The following HGF variants were observed in gnomAD, a reference collection of about 807,000 sequenced individuals.
HGF encodes the protein fibroblast-derived tumor cytotoxic factor.
HGF carries 39 observed loss-of-function variants against 111.6 expected under a neutral mutation model. The observed-to-expected ratio is 0.35, with a 90% CI of 0.27 to 0.46. The LOEUF (loss-of-function observed/expected upper bound fraction) is 0.46, where lower values mean the gene tolerates loss of function less well. Ranked by LOEUF, HGF falls within the 20% of genes least tolerant of loss-of-function variation. The pLI is 1.00. For missense variants in HGF, 735 were observed against 910.5 expected (o/e 0.81, Z 2.48); for synonymous variants, 285 against 294.8 (o/e 0.97, Z 0.34).
chr7:81,751,596 T>C, intron 5 of HGF: 1 of 994,810 alleles, frequency 1.0e-6, no homozygotes, highest in Non-Finnish European at 1.2e-6. Flanking sequence ...GTGTCACATT[T>C]GATTCTAGGC....
chr7:81,713,858 T>A lies in HGF; in HGVS notation c.1406-2339A>T, dbSNP rs60197381. Among the ~76,000 whole-genome samples the A allele has an allele frequency of 9.3e-3, 1,419 of 152,260 alleles. 30 individuals carry two copies. Among genetic ancestry groups the A allele is most frequent in the African/African-American group, 0.033 (1,357 of 41,554 alleles). On this transcript the variant is annotated intron_variant, in intron 11 of 17. Coordinates refer to ENST00000222390, the MANE Select transcript of HGF (RefSeq NM_000601.6). Reference sequence around the variant, plus strand: ...CTATACTACACTATCTATACCACACTACTTTCAGACTCATGTCTACAAAAA... The same window carrying A: ...CTATACTACACTATCTATACCACACAACTTTCAGACTCATGTCTACAAAAA...
At chr7:81,708,465 G>A (rs1789485485) in intron 13 of HGF, among the ~76,000 whole-genome samples, 2 of 138,090 alleles carry the variant, frequency 1.4e-5, no homozygotes, top group South Asian at 5.1e-4. Flanking sequence ...TATAAGATAA[G>A]CAAAGAATCA....
rs1325520360 is a variant in HGF at position 81,753,107 on chromosome 7, T to C, written c.483-845A>G. ...AGTTTTGGTTTATAATAGTAAGCCA[T>C]TGAGTGCAGTAACTGCAACACATTA... On this transcript the variant is annotated intron_variant, in intron 4 of 17. Coordinates refer to ENST00000222390, the MANE Select transcript of HGF (RefSeq NM_000601.6). Among the ~76,000 whole-genome samples the C allele has an allele frequency of 2.0e-5, 3 of 152,084 alleles. 1 individual carries two copies. The highest frequency in any genetic ancestry group is 7.2e-5 in the African/African-American group (3 of 41,432).
chr7:81,768,441 A>G (rs1159374727), intron 1 of HGF, among the ~76,000 whole-genome samples: 4 of 152,060 alleles, frequency 2.6e-5, no homozygotes, highest in Admixed American at 6.6e-5. Context: ...GTGCGGTGAC[A>G]CAATCTCGGC....
intron 7 of HGF, among the ~76,000 whole-genome samples, chr7:81,740,145 T>C (rs1787958231): frequency 1.3e-5 from 2 of 152,186 alleles, no homozygotes; most frequent in Non-Finnish European, 2.9e-5. Context: ...ATGATATTAA[T>C]TATGATTTTC....
At chr7:81,740,053 C>T (rs1235950750) in intron 7 of HGF, among the ~76,000 whole-genome samples, 1 of 152,130 alleles carries the variant, frequency 6.6e-6, no homozygotes, top group Non-Finnish European at 1.5e-5. Flanking sequence ...TCCTCACTGG[C>T]CTAATTGCAA....
chr7:81,705,558 C>A (rs1421317930), intron 16 of HGF, 23 bp from the exon 17 acceptor site: 1 of 1,610,842 alleles, frequency 6.2e-7, no homozygotes, highest in East Asian at 2.2e-5. Context: ...AAAAAACATA[C>A]AATAAGGTGA....
chr7:81,739,843 C>A (rs541395952), intron 7 of HGF, among the ~76,000 whole-genome samples: 1 of 151,938 alleles, frequency 6.6e-6, no homozygotes, highest in African/African-American at 2.4e-5. Context: ...AGGTAAGATC[C>A]CTCCCTTTGC....
chr7:81,714,123 C>T (rs569952809), intron 11 of HGF, among the ~76,000 whole-genome samples: 7 of 151,770 alleles, frequency 4.6e-5, no homozygotes, highest in Middle Eastern at 3.4e-3. Context: ...CAAAAGTTTA[C>T]GAACATCATG....
chr7:81,762,888 T>C lies in HGF; in HGVS notation c.89-16A>G. ...CTTTGTCCCTCTATTAAATACAAAATGTTTTAAAAAAATAAACATTGGAGA... is the reference window on the plus strand; with the variant it reads ...CTTTGTCCCTCTATTAAATACAAAACGTTTTAAAAAAATAAACATTGGAGA... On this transcript the variant is annotated splice_polypyrimidine_tract_variant and intron_variant, in intron 1 of 17. Transcript: ENST00000222390. 1.4e-6 allele frequency: 2 copies of C among 1,411,028 alleles called. No individual in the cohort carries two copies. The highest frequency in any genetic ancestry group is 2.0e-6 in the Non-Finnish European group (2 of 1,002,530). The allele number at this position is 1,411,028 out of a possible 1,614,324, so 87.4% of individuals were successfully genotyped here. A position where few individuals can be genotyped will look rare whatever the true frequency, so the allele number is the denominator to read the frequency against.
At chr7:81,750,684 C>G (rs898041313) in intron 5 of HGF, among the ~76,000 whole-genome samples, 1 of 152,020 alleles carries the variant, frequency 6.6e-6, no homozygotes, top group African/African-American at 2.4e-5. Flanking sequence ...AGGCAGGTAA[C>G]GAAAATAGTA....
rs377267866 is a variant in HGF at position 81,710,700 on chromosome 7, C to T, written c.1445-457G>A. Among the ~76,000 whole-genome samples, 16 of 152,248 alleles carry T rather than the reference C, an allele frequency of 1.1e-4. No homozygotes were observed. The East Asian group carries it at 2.7e-3, about 26-fold the overall frequency. On this transcript the variant is annotated intron_variant, in intron 12 of 17. Transcript: ENST00000222390. ...TGTACAGTTAGATTGTAGATTTATT[C>T]AATATGTCTTACCAACATTTGATTT... is the stretch of plus-strand genomic sequence containing the variant.
intron 5 of HGF, 102 bp from the exon 6 acceptor site, chr7:81,745,222 T>A (rs1443220341): frequency 4.1e-6 from 5 of 1,226,696 alleles, no homozygotes; most frequent in Admixed American, 1.8e-5. Context: ...AACAGATTTT[T>A]AAAAAATCCT....
intron 5 of HGF, chr7:81,751,096 C>A (rs905356670): frequency 5.2e-5 from 50 of 969,176 alleles, no homozygotes; most frequent in African/African-American, 1.9e-4. Flanking sequence ...TAACAGTAGC[C>A]TTTACTTTTT....
intron 5 of HGF, 97 bp from the exon 6 acceptor site, chr7:81,745,217 A>C: frequency 1.5e-6 from 2 of 1,320,378 alleles, no homozygotes; most frequent in Non-Finnish European, 2.2e-6. Flanking sequence ...TAGTAAACAG[A>C]TTTTTAAAAA....
rs2115928788 is a variant in HGF, at chr7:81,729,716, C to G, written c.929G>C (p.Gly310Ala). The change falls in exon 8 of 18, where the codon GGA becomes GCA. Residue 310 changes from glycine to alanine, a missense_variant. Physicochemically the swap from Gly to Ala is moderately conservative, Grantham distance 60 (BLOSUM62 0). This residue lies in a region of HGF where 553 missense variants were observed against 685.6 expected (regional missense o/e 0.81). Coordinates refer to ENST00000222390, the MANE Select transcript of HGF (RefSeq NM_000601.6). Reference protein sequence around the residue: ...LETTECIQGQGEGYRGTVNTI... With the variant: ...LETTECIQGQAEGYRGTVNTI... ...ATTGACAGTGCCCCTGTAGCCTTCT[C>G]CTTGACCTTGGATGCATTCAGTTGT... is the stretch of plus-strand genomic sequence containing the variant. 6.2e-7 allele frequency: 1 copy of G among 1,613,888 alleles called. No homozygotes were observed. The highest frequency in any genetic ancestry group is 8.5e-7 in the Non-Finnish European group (1 of 1,179,884).
rs1394382415 is a variant in HGF, at chr7:81,727,216, T to G, written c.1041-1199A>C. ...CCACCACGCCCGGCTAATTGTTTTT[T>G]TTTTTTTTAGTAGAGACAGGGTTTC... On this transcript the variant is annotated intron_variant, in intron 8 of 17. Coordinates refer to ENST00000222390, the MANE Select transcript of HGF (RefSeq NM_000601.6). Among the ~76,000 whole-genome samples the G allele has an allele frequency of 2.0e-5, 3 of 151,714 alleles. No individual in the cohort carries two copies. In the East Asian group the frequency reaches 5.8e-4, roughly 29 times the overall value.
intron 6 of HGF, 91 bp from the exon 7 acceptor site, chr7:81,743,562 T>C (rs186430836): frequency 1.2e-6 from 1 of 852,550 alleles, no homozygotes; most frequent in Non-Finnish European, 2.1e-6. Context: ...ACTTAGGTTG[T>C]CTACACCTAG....
chr7:81,717,470 T>C (rs1410517651), intron 10 of HGF, 105 bp from the exon 11 acceptor site: 10 of 1,120,430 alleles, frequency 8.9e-6, no homozygotes, highest in Non-Finnish European at 1.3e-5. Context: ...TCACTGTAGA[T>C]ACAGCATAAC....
Sources: gnomAD v4.1 joint callset for allele counts (sites outside exome capture counted in the v4.1 genomes callset) on GRCh38, gnomAD v4.1.1 for gene constraint, gnomAD v4.1.1 regional missense constraint, MANE v1.5 for transcripts, NCBI Gene and HGNC (gene_info 2026-07-23, HGNC 2026-07-21) for gene names.